BFSP2: variants seen among roughly 807,000 people sequenced by gnomAD.
BFSP2 encodes phakinin.
Under a neutral mutation model 44.9 loss-of-function variants are expected in BFSP2, and 38 were observed. That is an observed-to-expected ratio of 0.85 (90% CI 0.65 to 1.11). BFSP2 has a LOEUF of 1.11. BFSP2 is among the 50% of genes least tolerant of loss of function. The probability of loss-of-function intolerance (pLI) is 0.00; values close to 1 mark genes in which losing one functional copy is unlikely to be tolerated. For missense variants in BFSP2, 525 were observed against 533.0 expected (o/e 0.99, Z 0.15); for synonymous variants, 197 against 209.9 (o/e 0.94, Z 0.53).
rs546393607 is a variant in BFSP2, at chr3:133,414,055, C to T, written c.489+13483C>T. Among the ~76,000 whole-genome samples the T allele has an allele frequency of 5.7e-3, 844 of 149,038 alleles. 1 individual carries two copies. The highest frequency in any genetic ancestry group is 8.5e-3 in the Non-Finnish European group (572 of 66,958). ...CCTGCCCTCTCTCCCCTACTCACCC[C>T]TCTACTCACCCCTGCCCTCTCCCCT... On this transcript the variant is annotated intron_variant, in intron 1 of 6. Transcript: ENST00000302334.
intron 1 of BFSP2, among the ~76,000 whole-genome samples, chr3:133,445,807 C>T (rs1305140855): frequency 6.6e-6 from 1 of 151,948 alleles, no homozygotes; most frequent in South Asian, 2.1e-4. Context: ...CTTGAGCATC[C>T]GTGGGGGACT....
intron 1 of BFSP2, among the ~76,000 whole-genome samples, chr3:133,416,569 T>A (rs2073532315): frequency 8.0e-6 from 1 of 124,506 alleles, no homozygotes; most frequent in Non-Finnish European, 1.7e-5. Flanking sequence ...ATCTCCCCTC[T>A]ACTAACCCCT....
At chr3:133,464,344 C>A (rs1453991379) in intron 4 of BFSP2, among the ~76,000 whole-genome samples, 1 of 152,202 alleles carries the variant, frequency 6.6e-6, no homozygotes, top group Non-Finnish European at 1.5e-5. Context: ...CTGTCTCTCA[C>A]TGGCCATATA....
At chr3:133,414,050 C>G (rs1355090775) in intron 1 of BFSP2, among the ~76,000 whole-genome samples, 1 of 146,258 alleles carries the variant, frequency 6.8e-6, no homozygotes. Flanking sequence ...CTCCCCTACT[C>G]ACCCCTCTAC....
At chr3:133,432,204 C>T (rs2073729418) in intron 1 of BFSP2, among the ~76,000 whole-genome samples, 1 of 152,174 alleles carries the variant, frequency 6.6e-6, no homozygotes, top group African/African-American at 2.4e-5. Context: ...CTTACAATTC[C>T]CCCATTTTAC....
Position 133,427,589 on chromosome 3 carries a change from G to C in BFSP2, c.490-19728G>C, listed in dbSNP as rs929652427. Among the ~76,000 whole-genome samples the C allele has an allele frequency of 5.3e-5, 8 of 152,202 alleles. No individual in the cohort carries two copies. The East Asian group carries it at 1.3e-3, about 26-fold the overall frequency. ...ACCTCCCTGCTCCTCAGCCAGCTTG[G>C]GGTTGGAGAATGGGGTGGCATTTCA... On this transcript the variant is annotated intron_variant, in intron 1 of 6. Coordinates refer to ENST00000302334, the MANE Select transcript of BFSP2 (RefSeq NM_003571.4).
intron 1 of BFSP2, chr3:133,429,483 G>A (rs944037261): frequency 2.0e-5 from 3 of 152,190 alleles, no homozygotes; most frequent in African/African-American, 7.2e-5. Context: ...CAACTGATTG[G>A]ATGAGAATAC....
chr3:133,417,602 ACTC>A lies in BFSP2; in HGVS notation c.489+17034_489+17036del, dbSNP rs202164416. Among the ~76,000 whole-genome samples the A allele has an allele frequency of 6.4e-3, 523 of 82,006 alleles. 3 individuals carry two copies. The highest frequency in any genetic ancestry group is 0.022 in the South Asian group (52 of 2,366). 53.8% of individuals were successfully genotyped at this position (82,006 alleles called of 152,430 possible). A position where few individuals can be genotyped will look rare whatever the true frequency, so the allele number is the denominator to read the frequency against. On this transcript the variant is annotated intron_variant, in intron 1 of 6. Transcript: ENST00000302334. ...CACCCCTGCCATCTCCCCTCTACTC[ACTC>A]CTCTACTCACTCCTGCCATTTCCCG...
At chr3:133,434,783 C>A (rs2107909261) in intron 1 of BFSP2, among the ~76,000 whole-genome samples, 1 of 152,216 alleles carries the variant, frequency 6.6e-6, no homozygotes, top group African/African-American at 2.4e-5. Flanking sequence ...ACCTTGTGAC[C>A]CCCACTCCTG....
chr3:133,419,815 T>G (rs1205636976), intron 1 of BFSP2, among the ~76,000 whole-genome samples: 1 of 152,228 alleles, frequency 6.6e-6, no homozygotes, highest in Non-Finnish European at 1.5e-5. Flanking sequence ...ATTTTAATAC[T>G]CAGAAAAATG....
chr3:133,471,236 G>A (rs1418973734), intron 5 of BFSP2, among the ~76,000 whole-genome samples: 1 of 152,184 alleles, frequency 6.6e-6, no homozygotes, highest in Non-Finnish European at 1.5e-5. Context: ...CTAGAGGTGG[G>A]GAGATGAGCT....
chr3:133,450,180 C>T (rs2073948750), intron 3 of BFSP2, 123 bp from the exon 4 acceptor site: 3 of 1,096,734 alleles, frequency 2.7e-6, no homozygotes, highest in Admixed American at 3.9e-5. Context: ...CTCTGTGAAG[C>T]CTGTGTCTGG....
chr3:133,430,758 G>C (rs1279819768), intron 1 of BFSP2, among the ~76,000 whole-genome samples: 1 of 151,792 alleles, frequency 6.6e-6, no homozygotes, highest in East Asian at 1.9e-4. Context: ...CCCAAGCGTC[G>C]CTGAGTCTTT....
rs561203898 is a variant in BFSP2, at chr3:133,465,166, C to G, written c.892-1662C>G. ...CTACAGGCTCACGCTACCATCACGC[C>G]TGGCTAATTTTTGTATTTTTAGTAG... On this transcript the variant is annotated intron_variant, in intron 4 of 6. Transcript: ENST00000302334. Among the ~76,000 whole-genome samples, 5 of 152,094 alleles carry G rather than the reference C, an allele frequency of 3.3e-5. No individual in the cohort carries two copies. The South Asian group carries it at 1.0e-3, about 32-fold the overall frequency.
chr3:133,438,854 G>A (rs2073817255), intron 1 of BFSP2, among the ~76,000 whole-genome samples: 1 of 152,156 alleles, frequency 6.6e-6, no homozygotes, highest in South Asian at 2.1e-4. Context: ...GAAGTGGAGG[G>A]ATGGGGGGGT....
In BFSP2 at chr3:133,463,225, C is replaced by G. The variant is rs543280036; in HGVS notation, c.892-3603C>G. On this transcript the variant is annotated intron_variant, in intron 4 of 6. Coordinates refer to ENST00000302334, the MANE Select transcript of BFSP2 (RefSeq NM_003571.4). ...TCGGGAGGCTGAGGCAGGAGAATTGCTTGAACCTGGGAGGCAGAGGTTGCG... is the reference window on the plus strand; with the variant it reads ...TCGGGAGGCTGAGGCAGGAGAATTGGTTGAACCTGGGAGGCAGAGGTTGCG... Among the ~76,000 whole-genome samples the G allele has an allele frequency of 1.8e-3, 276 of 152,284 alleles. 1 individual carries two copies. The highest frequency in any genetic ancestry group is 0.014 in the Middle Eastern group (4 of 294).
intron 1 of BFSP2, among the ~76,000 whole-genome samples, chr3:133,411,199 A>C (rs868063347): frequency 0.011 from 1,377 of 124,900 alleles, 26 homozygotes; most frequent in African/African-American, 0.038. Context: ...AAAAAAAAAA[A>C]CTAATTAATC....
intron 1 of BFSP2, among the ~76,000 whole-genome samples, chr3:133,415,719 T>C: frequency 7.7e-6 from 1 of 130,324 alleles, no homozygotes; most frequent in South Asian, 2.9e-4. Context: ...CTCTCCCCTC[T>C]ACTCATCCCT....
At chr3:133,464,534 CTATT>C (rs1227382651) in intron 4 of BFSP2, among the ~76,000 whole-genome samples, 1 of 152,182 alleles carries the variant, frequency 6.6e-6, no homozygotes, top group African/African-American at 2.4e-5. Flanking sequence ...TTAACTATTA[CTATT>C]TAATTGTTAC....
Sources: allele counts gnomAD v4.1 joint callset (sites outside exome capture counted in the v4.1 genomes callset), GRCh38; gene constraint gnomAD v4.1.1; transcripts MANE v1.5; gene names NCBI Gene and HGNC (gene_info 2026-07-23, HGNC 2026-07-21).